Variants in MEF2A observed in about 807,000 individuals in gnomAD.
MEF2A encodes the protein myocyte enhancer factor 2A, also known as myocyte-specific enhancer factor 2A.
In MEF2A, 28 loss-of-function variants were observed where a neutral mutation model predicts 55.8. The ratio of observed to expected loss-of-function variants is 0.50; its 90% CI spans 0.37 to 0.69. The LOEUF (loss-of-function observed/expected upper bound fraction) is 0.69. Ranked by LOEUF, MEF2A falls within the 30% of genes least tolerant of loss-of-function variation. The probability of loss-of-function intolerance (pLI) is 0.00; values close to 1 mark genes in which losing one functional copy is unlikely to be tolerated. For missense variants in MEF2A, 528 were observed against 626.2 expected, an observed-to-expected ratio of 0.84 and a Z score of 1.67; for synonymous variants, 239 against 227.1, an observed-to-expected ratio of 1.05 and a Z score of -0.47.
chr15:99,607,541 A>G (rs1282087640), intron 2 of MEF2A, among the ~76,000 whole-genome samples: 2 of 152,224 alleles, frequency 1.3e-5, no homozygotes, highest in East Asian at 3.8e-4. Flanking sequence ...ATGATAATTC[A>G]TCTTTTTGTA....
intron 1 of MEF2A, among the ~76,000 whole-genome samples, chr15:99,590,259 C>G (rs903977569): frequency 2.6e-5 from 4 of 151,756 alleles, no homozygotes; most frequent in Non-Finnish European, 5.9e-5. Flanking sequence ...CTCCTAAAAT[C>G]TTCTTTGTCT....
intron 8 of MEF2A, among the ~76,000 whole-genome samples, chr15:99,692,640 C>T (rs1257427416): frequency 6.6e-6 from 1 of 152,112 alleles, no homozygotes; most frequent in African/African-American, 2.4e-5. Flanking sequence ...AGTCTGTGTT[C>T]TCTTGTATAC....
At chr15:99,666,587 A>AAT (rs2049793303) in intron 4 of MEF2A, among the ~76,000 whole-genome samples, 1 of 147,386 alleles carries the variant, frequency 6.8e-6, no homozygotes, top group African/African-American at 2.5e-5. Context: ...GTATAATAAT[A>AAT]ATAATAATAA....
Position 99,676,852 on chromosome 15 carries a change from G to A in MEF2A, c.670+1394G>A, listed in dbSNP as rs113767429. Among the ~76,000 whole-genome samples the A allele has an allele frequency of 6.6e-5, 10 of 152,234 alleles. 2 individuals carry two copies. The highest frequency in any genetic ancestry group is 2.2e-4 in the African/African-American group (9 of 41,542). Reference sequence around the variant, plus strand: ...CCCAAAAGTTTGTTAAAATTAGATCGTAGTGATTAGAAATTAGATTTAGGG... The same window carrying A: ...CCCAAAAGTTTGTTAAAATTAGATCATAGTGATTAGAAATTAGATTTAGGG... On this transcript the variant is annotated intron_variant, in intron 7 of 11. Transcript: ENST00000557942.
chr15:99,703,512 T>C (rs2057676140), intron 9 of MEF2A, 127 bp downstream of exon 9: 1 of 778,404 alleles, frequency 1.3e-6, no homozygotes, highest in Non-Finnish European at 2.0e-6. Context: ...TCAAACACTT[T>C]GAATAAAGCA....
At chr15:99,710,891 C>T in intron 11 of MEF2A, 131 bp downstream of exon 11, 1 of 1,090,746 alleles carries the variant, frequency 9.2e-7, no homozygotes, top group Non-Finnish European at 1.3e-6. Context: ...CAGGTAGATA[C>T]AAGTGTCGGG....
intron 2 of MEF2A, among the ~76,000 whole-genome samples, chr15:99,629,683 C>T (rs911361129): frequency 6.6e-6 from 1 of 152,006 alleles, no homozygotes; most frequent in African/African-American, 2.4e-5. Flanking sequence ...GGTGGGGGTA[C>T]TATGAGTTAA....
intron 3 of MEF2A, among the ~76,000 whole-genome samples, chr15:99,639,243 T>G (rs749241179): frequency 3.9e-5 from 6 of 152,182 alleles, no homozygotes; most frequent in Non-Finnish European, 8.8e-5. Flanking sequence ...TTATAATTTT[T>G]CCTGGTCTCT....
At chr15:99,630,849 C>T (rs1419699758) in intron 2 of MEF2A, among the ~76,000 whole-genome samples, 1 of 152,162 alleles carries the variant, frequency 6.6e-6, no homozygotes. Context: ...ATGTGTTTGC[C>T]AGGGCTGCTC....
intron 7 of MEF2A, among the ~76,000 whole-genome samples, chr15:99,678,942 T>G (rs1434892276): frequency 6.6e-6 from 1 of 152,168 alleles, no homozygotes; most frequent in African/African-American, 2.4e-5. Context: ...AAAATGTGCA[T>G]GAGAACACAT....
chr15:99,624,908 A>G (rs2153333676), intron 2 of MEF2A, among the ~76,000 whole-genome samples: 1 of 152,198 alleles, frequency 6.6e-6, no homozygotes, highest in African/African-American at 2.4e-5. Flanking sequence ...CTAAGTTCAG[A>G]CGATACCCAA....
intron 4 of MEF2A, among the ~76,000 whole-genome samples, chr15:99,661,677 C>T (rs2048665055): frequency 6.6e-6 from 1 of 151,788 alleles, no homozygotes; most frequent in Non-Finnish European, 1.5e-5. Flanking sequence ...TTAAATCCCA[C>T]AGGTAGGAAT....
chr15:99,666,603 A>ATAATAATAAT, intron 4 of MEF2A, among the ~76,000 whole-genome samples: 1 of 149,022 alleles, frequency 6.7e-6, no homozygotes, highest in South Asian at 2.1e-4. Flanking sequence ...AATAATAATA[A>ATAATAATAAT]TAATAATAAA....
At chr15:99,697,461 A>T (rs899512953) in intron 8 of MEF2A, among the ~76,000 whole-genome samples, 45 of 148,380 alleles carry the variant, frequency 3.0e-4, no homozygotes, top group African/African-American at 1.1e-3. Context: ...TTTGAAATTT[A>T]AAAAAAAAAA....
chr15:99,634,884 G>T (rs1245371598), intron 3 of MEF2A, among the ~76,000 whole-genome samples: 4 of 152,282 alleles, frequency 2.6e-5, no homozygotes, highest in East Asian at 3.9e-4. Context: ...AGACATAAAA[G>T]AAATAATTGG....
chr15:99,584,442 G>A (rs541185402), intron 1 of MEF2A, among the ~76,000 whole-genome samples: 1 of 152,298 alleles, frequency 6.6e-6, no homozygotes, highest in Admixed American at 6.5e-5. Context: ...ATGACCATCA[G>A]TTGATGAAAG....
chr15:99,652,121 TC>T (rs1228233114), intron 4 of MEF2A, among the ~76,000 whole-genome samples: 1 of 152,196 alleles, frequency 6.6e-6, no homozygotes, highest in Non-Finnish European at 1.5e-5. Flanking sequence ...ATAAAGTTGC[TC>T]TAGAGGTGAT....
chr15:99,570,664 G>T (rs944383553), intron 1 of MEF2A, among the ~76,000 whole-genome samples: 1 of 152,138 alleles, frequency 6.6e-6, no homozygotes, highest in African/African-American at 2.4e-5. Flanking sequence ...TAACTTTTGG[G>T]CTTAATAAAA....
intron 2 of MEF2A, among the ~76,000 whole-genome samples, chr15:99,612,983 A>G (rs970014790): frequency 2.6e-5 from 4 of 151,980 alleles, no homozygotes; most frequent in African/African-American, 9.7e-5. Context: ...AGATTTCTCT[A>G]TGGAAATGAA....
Sources: allele counts gnomAD v4.1 joint callset (sites outside exome capture counted in the v4.1 genomes callset), GRCh38; gene constraint gnomAD v4.1.1; transcripts MANE v1.5; gene names NCBI Gene and HGNC (gene_info 2026-07-23, HGNC 2026-07-21).